MAPK10: variants seen among roughly 807,000 people sequenced by gnomAD.
MAPK10 encodes the protein JNK3 alpha protein kinase.
Under a neutral mutation model 59.3 loss-of-function variants are expected in MAPK10, and 25 were observed. The observed-to-expected ratio is 0.42, with a 90% CI of 0.31 to 0.59. The LOEUF (loss-of-function observed/expected upper bound fraction) is 0.59, where lower values mean the gene tolerates loss of function less well. Ranked by LOEUF, MAPK10 falls within the 20% of genes least tolerant of loss-of-function variation. The pLI, the probability that MAPK10 is intolerant of heterozygous loss-of-function variation, is 0.15. For synonymous variants in MAPK10, 190 were observed against 200.5 expected, an observed-to-expected ratio of 0.95 and a Z score of 0.44; for missense variants, 351 against 568.9, an observed-to-expected ratio of 0.62 and a Z score of 3.90.
chr4:86,270,077 G>C (rs543521539), intron 2 of MAPK10, among the ~76,000 whole-genome samples: 1 of 152,020 alleles, frequency 6.6e-6, no homozygotes, highest in South Asian at 2.1e-4. Context: ...AATTTTTCAA[G>C]AAACATTTTT....
At chr4:86,423,542 G>C (rs1746805528) in intron 1 of MAPK10, among the ~76,000 whole-genome samples, 1 of 152,090 alleles carries the variant, frequency 6.6e-6, no homozygotes, top group Non-Finnish European at 1.5e-5. Flanking sequence ...ATGGCAGTTA[G>C]CTGGTAAGTT....
At chr4:86,136,364 G>C (rs1253728196) in intron 4 of MAPK10, among the ~76,000 whole-genome samples, 2 of 152,238 alleles carry the variant, frequency 1.3e-5, no homozygotes, top group East Asian at 1.9e-4. Flanking sequence ...AGCCAGAAGA[G>C]AGTGGGGGCC....
At chr4:86,563,602 A>G (rs1307816838) in intron 1 of MAPK10, among the ~76,000 whole-genome samples, 1 of 152,218 alleles carries the variant, frequency 6.6e-6, no homozygotes, top group Non-Finnish European at 1.5e-5. Flanking sequence ...CTTGGGAGAT[A>G]CATTCCAAGA....
At position 86,140,247 on chromosome 4, in the gene MAPK10, G is replaced by A. The variant is rs1484035992; in HGVS notation, c.236+19051C>T. 4.7e-3 allele frequency among the ~76,000 whole-genome samples: 586 copies of A among 124,780 alleles called. 2 individuals carry two copies. The highest frequency in any genetic ancestry group is 0.02 in the African/African-American group (537 of 27,244). 81.9% of individuals were successfully genotyped at this position (124,780 alleles called of 152,430 possible). On this transcript the variant is annotated intron_variant, in intron 4 of 13. Transcript: ENST00000641462. The stretch of plus-strand genomic sequence containing the variant: ...ACACATGCACACGTATGTTTATTGC[G>A]GCACTATTCACAATAGCAAAGACTT...
chr4:86,018,178 G>T (rs1012000828), intron 13 of MAPK10, among the ~76,000 whole-genome samples: 4 of 152,150 alleles, frequency 2.6e-5, no homozygotes, highest in African/African-American at 7.2e-5. Context: ...ACATATGCAA[G>T]GGTCCTATCC....
rs1484957697 is a variant in MAPK10, at chr4:86,430,714, C to T, written c.-122+22316G>A. On this transcript the variant is annotated intron_variant, in intron 1 of 13. Transcript: ENST00000361569. ...ATTATAGGTGAATGAAGAGGTGTGGCAGTACATGTGAAGGCCCTGAGAGGA... is the reference window on the plus strand; with the variant it reads ...ATTATAGGTGAATGAAGAGGTGTGGTAGTACATGTGAAGGCCCTGAGAGGA... Among the ~76,000 whole-genome samples the T allele has an allele frequency of 3.3e-5, 5 of 151,974 alleles. No individual in the cohort carries two copies. The East Asian group carries it at 9.6e-4, about 29-fold the overall frequency.
At chr4:86,499,879 A>T (rs1296581163) in intron 1 of MAPK10, among the ~76,000 whole-genome samples, 1 of 152,138 alleles carries the variant, frequency 6.6e-6, no homozygotes, top group Non-Finnish European at 1.5e-5. Flanking sequence ...GAAGACATAT[A>T]TGATGTCTGT....
chr4:86,588,538 A>G (rs930255335), intron 1 of MAPK10, among the ~76,000 whole-genome samples: 1 of 152,174 alleles, frequency 6.6e-6, no homozygotes, highest in Non-Finnish European at 1.5e-5. Context: ...CCAGAGTTTA[A>G]TCATTCTGTT....
chr4:86,351,254 TTA>T lies in MAPK10; in HGVS notation c.-7+3274_-7+3275del, dbSNP rs146723315. ...TAGTACCTACCACAATATCTGTATTTTATATATATATATATACACACACACAC... is the reference window on the plus strand; with the variant it reads ...TAGTACCTACCACAATATCTGTATTTTATATATATATATACACACACACAC... On this transcript the variant is annotated intron_variant, in intron 2 of 13. Transcript: ENST00000641462. 4.5e-3 allele frequency among the ~76,000 whole-genome samples: 671 copies of T among 149,810 alleles called. 1 individual carries two copies. The highest frequency in any genetic ancestry group is 0.015 in the African/African-American group (595 of 40,938).
chr4:86,533,382 T>TA (rs915172482), intron 1 of MAPK10, among the ~76,000 whole-genome samples: 1 of 152,128 alleles, frequency 6.6e-6, no homozygotes, highest in Non-Finnish European at 1.5e-5. Flanking sequence ...ATTGTGTACT[T>TA]AAAAAAGATT....
At chr4:86,439,416 A>C (rs1354897004) in intron 1 of MAPK10, among the ~76,000 whole-genome samples, 2 of 152,228 alleles carry the variant, frequency 1.3e-5, no homozygotes, top group Admixed American at 1.3e-4. Flanking sequence ...TCTTATGTGC[A>C]TCAATAAGTT....
intron 2 of MAPK10, among the ~76,000 whole-genome samples, chr4:86,196,525 C>G (rs1483909984): frequency 1.3e-5 from 2 of 152,172 alleles, no homozygotes; most frequent in African/African-American, 4.8e-5. Flanking sequence ...CCTGTTCACT[C>G]TGATGGTAGT....
intron 10 of MAPK10, among the ~76,000 whole-genome samples, chr4:86,065,866 A>G (rs1310150333): frequency 6.6e-6 from 1 of 152,234 alleles, no homozygotes; most frequent in Non-Finnish European, 1.5e-5. Context: ...CTCTGGATAC[A>G]TATCAATTTT....
At chr4:86,543,692 C>T (rs1285632764) in intron 1 of MAPK10, among the ~76,000 whole-genome samples, 1 of 152,054 alleles carries the variant, frequency 6.6e-6, no homozygotes, top group Non-Finnish European at 1.5e-5. Flanking sequence ...CAATTAAGCA[C>T]ATTTGCAACC....
At chr4:86,132,747 G>A (rs558721897) in intron 4 of MAPK10, among the ~76,000 whole-genome samples, 14 of 152,206 alleles carry the variant, frequency 9.2e-5, no homozygotes, top group South Asian at 4.1e-4. Flanking sequence ...TGTGAACTGC[G>A]CATATGAGGG....
chr4:86,017,013 C>G lies in MAPK10; in HGVS notation c.*215G>C, dbSNP rs1349931949. ...TGGAAGAAGACCAAAGCAAGAGCAACTAGAAGTTAAATATACATTTGAGCT... is the reference window on the plus strand; with the variant it reads ...TGGAAGAAGACCAAAGCAAGAGCAAGTAGAAGTTAAATATACATTTGAGCT... On this transcript the variant is annotated 3_prime_UTR_variant, in exon 14 of 14. Coordinates refer to ENST00000641462, the MANE Select transcript of MAPK10 (RefSeq NM_138982.4). This position sits in a 1 kb window ranked among gnomAD's most constrained non-coding sequence, Gnocchi z 4.4. 3 of 461,826 alleles carry G rather than the reference C, an allele frequency of 6.5e-6. No homozygotes were observed. The highest frequency in any genetic ancestry group is 3.7e-5 in the Admixed American group (1 of 27,380). The allele number at this position is 461,826 out of a possible 1,614,324, so 28.6% of individuals were successfully genotyped here.
chr4:86,323,373 T>C (rs2095945816), intron 2 of MAPK10, among the ~76,000 whole-genome samples: 1 of 152,174 alleles, frequency 6.6e-6, no homozygotes, highest in African/African-American at 2.4e-5. Flanking sequence ...AAGGCACAAA[T>C]CTGACATCAA....
intron 1 of MAPK10, among the ~76,000 whole-genome samples, chr4:86,507,098 C>T (rs1403800118): frequency 6.6e-6 from 1 of 151,934 alleles, no homozygotes; most frequent in South Asian, 2.1e-4. Context: ...AAATTTTACA[C>T]ATGTATAACA....
chr4:86,590,902 TA>T (rs937539239), intron 1 of MAPK10, among the ~76,000 whole-genome samples: 1 of 152,252 alleles, frequency 6.6e-6, no homozygotes, highest in African/African-American at 2.4e-5. Context: ...ATTGCTTTTT[TA>T]TTTCAAACAT....
Sources: allele counts gnomAD v4.1 joint callset (sites outside exome capture counted in the v4.1 genomes callset), GRCh38; gene constraint gnomAD v4.1.1; non-coding constraint Gnocchi (gnomAD v3.1); transcripts MANE v1.5; gene names NCBI Gene and HGNC (gene_info 2026-07-23, HGNC 2026-07-21).